UMAD1: variants seen among roughly 807,000 people sequenced by gnomAD.
The protein encoded by UMAD1 is UBAP1-MVB12-associated (UMA)-domain containing protein 1.
A neutral mutation model predicts 6.1 loss-of-function variants in UMAD1; 8 were observed. The observed-to-expected ratio is 1.30, with a 90% CI of 0.76 to 2.35. UMAD1 has a LOEUF of 2.35. Ranked by LOEUF, UMAD1 falls within the 30% of genes most tolerant of loss-of-function variation. The probability of loss-of-function intolerance (pLI) is 0.00; values close to 1 mark genes in which losing one functional copy is unlikely to be tolerated. For missense variants in UMAD1, 130 were observed against 78.4 expected, an observed-to-expected ratio of 1.66 and a Z score of -2.49; for synonymous variants, 56 against 31.4, an observed-to-expected ratio of 1.78 and a Z score of -2.61.
intron 1 of UMAD1, among the ~76,000 whole-genome samples, chr7:7,670,609 G>T (rs759761124): frequency 6.6e-6 from 1 of 152,168 alleles, no homozygotes; most frequent in Non-Finnish European, 1.5e-5. Flanking sequence ...GCCCCATTCA[G>T]ATATAGCATC....
intron 1 of UMAD1, among the ~76,000 whole-genome samples, chr7:7,663,468 C>G (rs901335819): frequency 6.6e-6 from 1 of 152,104 alleles, no homozygotes; most frequent in Admixed American, 6.5e-5. Flanking sequence ...CCCCATTACA[C>G]CAATATCAAA....
chr7:7,657,351 C>A (rs762084261), intron 1 of UMAD1, among the ~76,000 whole-genome samples: 1 of 152,066 alleles, frequency 6.6e-6, no homozygotes, highest in Non-Finnish European at 1.5e-5. Flanking sequence ...CTTTTGTTGC[C>A]GTTGCTTTTG....
chr7:7,657,206 G>A (rs1270094849), intron 1 of UMAD1, among the ~76,000 whole-genome samples: 3 of 151,938 alleles, frequency 2.0e-5, no homozygotes, highest in Non-Finnish European at 4.4e-5. Context: ...TAGAGTCTGG[G>A]TATTAGCCCT....
At position 7,768,606 on chromosome 7, in the gene UMAD1, C is replaced by T. The variant is rs1441853900; in HGVS notation, c.83-33064C>T. Among the ~76,000 whole-genome samples the T allele has an allele frequency of 3.3e-5, 5 of 152,226 alleles. No homozygotes were observed. The East Asian group carries it at 9.7e-4, about 29-fold the overall frequency. ...CTGGAGGAATTGCTGCCTTCAATGT[C>T]GTGCTTCATTTTATTCGCTCATGTG... On this transcript the variant is annotated intron_variant, in intron 2 of 3. Transcript: ENST00000682710.
chr7:7,830,461 A>G lies in UMAD1; in HGVS notation c.156+28718A>G, dbSNP rs1173971858. On this transcript the variant is annotated intron_variant, in intron 3 of 3. Coordinates refer to ENST00000682710, the MANE Select transcript of UMAD1 (RefSeq NM_001302348.2). The surrounding 1 kb of genome is among the most constrained non-coding windows in gnomAD (Gnocchi z 5.3). ...TTACCTCTATTAGGTAAAAAATTATATGTTTTGGTTTCTCTCTTTTGTATC... is the reference window on the plus strand; with the variant it reads ...TTACCTCTATTAGGTAAAAAATTATGTGTTTTGGTTTCTCTCTTTTGTATC... Among the ~76,000 whole-genome samples the G allele has an allele frequency of 2.6e-5, 4 of 151,924 alleles. No homozygotes were observed. The South Asian group carries it at 8.3e-4, about 31-fold the overall frequency.
At chr7:7,699,047 TGTGG>T (rs932863892) in intron 2 of UMAD1, among the ~76,000 whole-genome samples, 3 of 121,548 alleles carry the variant, frequency 2.5e-5, no homozygotes, top group Non-Finnish European at 5.4e-5. Context: ...TGTGTGTGTG[TGTGG>T]GGGGGGGGTA....
At chr7:7,814,796 C>G (rs1783092404) in intron 3 of UMAD1, among the ~76,000 whole-genome samples, 2 of 152,130 alleles carry the variant, frequency 1.3e-5, no homozygotes, top group Non-Finnish European at 2.9e-5. Flanking sequence ...TAACCTGTCT[C>G]TCCCATGCCT....
chr7:7,659,335 G>T (rs1053457096), intron 1 of UMAD1, among the ~76,000 whole-genome samples: 14 of 151,912 alleles, frequency 9.2e-5, no homozygotes, highest in African/African-American at 3.4e-4. Context: ...GTTATTTCTT[G>T]TCTTCTGCTA....
chr7:7,850,316 A>T (rs771055534), intron 3 of UMAD1, among the ~76,000 whole-genome samples: 1 of 152,140 alleles, frequency 6.6e-6, no homozygotes, highest in Non-Finnish European at 1.5e-5. Flanking sequence ...TAATATATCC[A>T]ATGGAATTGA....
intron 2 of UMAD1, among the ~76,000 whole-genome samples, chr7:7,757,889 G>T (rs1024529583): frequency 3.3e-5 from 5 of 152,138 alleles, no homozygotes; most frequent in Non-Finnish European, 7.3e-5. Context: ...GGCCGCAGCA[G>T]GGTTCTGTGT....
At chr7:7,726,449 A>G (rs1423743468) in intron 2 of UMAD1, among the ~76,000 whole-genome samples, 1 of 152,218 alleles carries the variant, frequency 6.6e-6, no homozygotes, top group Non-Finnish European at 1.5e-5. Flanking sequence ...TGAAGGCATA[A>G]TTACAACGCC....
At chr7:7,815,478 G>T (rs991676155) in intron 3 of UMAD1, among the ~76,000 whole-genome samples, 4 of 152,032 alleles carry the variant, frequency 2.6e-5, no homozygotes, top group African/African-American at 9.7e-5. Context: ...TTTAATTTGG[G>T]GCTTAATTTT....
chr7:7,764,350 T>C (rs1781947214), intron 2 of UMAD1, among the ~76,000 whole-genome samples: 1 of 152,148 alleles, frequency 6.6e-6, no homozygotes, highest in African/African-American at 2.4e-5. Context: ...GTTCTTAGAA[T>C]AGGGGAGAAT....
Position 7,721,725 on chromosome 7 carries a change from C to A in UMAD1, c.82+48272C>A, listed in dbSNP as rs80104860. On this transcript the variant is annotated intron_variant, in intron 2 of 3. Transcript: ENST00000682710. Reference sequence around the variant, plus strand: ...TGATTGTCCATGAGGATTTTGCTACCTGCCCTCTCAGGGATTTTACTGAAC... The same window carrying A: ...TGATTGTCCATGAGGATTTTGCTACATGCCCTCTCAGGGATTTTACTGAAC... 2.0e-5 allele frequency among the ~76,000 whole-genome samples: 3 copies of A among 152,276 alleles called. No homozygotes were observed. In the East Asian group the frequency reaches 5.8e-4, roughly 29 times the overall value.
intron 2 of UMAD1, among the ~76,000 whole-genome samples, chr7:7,732,505 T>A (rs184315195): frequency 1.9e-3 from 288 of 152,236 alleles, no homozygotes; most frequent in African/African-American, 6.6e-3. Flanking sequence ...CAGAAAAAAA[T>A]TAAAAATGAC....
intron 3 of UMAD1, among the ~76,000 whole-genome samples, chr7:7,850,415 G>A (rs996581573): frequency 3.9e-5 from 6 of 151,928 alleles, no homozygotes; most frequent in Admixed American, 2.0e-4. Context: ...ATTTTGCATC[G>A]TTCCTTTTTC....
chr7:7,722,574 C>G (rs1236836071), intron 2 of UMAD1, among the ~76,000 whole-genome samples: 1 of 152,130 alleles, frequency 6.6e-6, no homozygotes, highest in Non-Finnish European at 1.5e-5. Context: ...CCTAAGTTCA[C>G]TGGACAAAGT....
intron 2 of UMAD1, among the ~76,000 whole-genome samples, chr7:7,764,938 T>G (rs958997292): frequency 4.6e-5 from 7 of 152,172 alleles, no homozygotes; most frequent in African/African-American, 1.7e-4. Flanking sequence ...TGATCATGTT[T>G]GTACTTCAGC....
intron 2 of UMAD1, among the ~76,000 whole-genome samples, chr7:7,755,755 C>G (rs569255748): frequency 3.0e-4 from 45 of 152,184 alleles, no homozygotes; most frequent in African/African-American, 1.1e-3. Flanking sequence ...CAATGACTAC[C>G]AAAAACATGC....
Sources: gnomAD v4.1 joint callset for allele counts (sites outside exome capture counted in the v4.1 genomes callset) on GRCh38, gnomAD v4.1.1 for gene constraint, Gnocchi (gnomAD v3.1) non-coding constraint, MANE v1.5 for transcripts, NCBI Gene and HGNC (gene_info 2026-07-23, HGNC 2026-07-21) for gene names.